The following PHC3 variants were observed in gnomAD, a reference collection of about 807,000 sequenced individuals.
PHC3 encodes polyhomeotic homolog 3.
A neutral mutation model predicts 107.4 loss-of-function variants in PHC3; 13 were observed. The observed-to-expected ratio is 0.12, with a 90% CI of 0.08 to 0.19. The LOEUF (loss-of-function observed/expected upper bound fraction) is 0.19, where lower values mean the gene tolerates loss of function less well. Ranked by LOEUF, PHC3 falls within the 10% of genes least tolerant of loss-of-function variation. The pLI is 1.00. For synonymous variants in PHC3, 456 were observed against 427.4 expected, an observed-to-expected ratio of 1.07 and a Z score of -0.83; for missense variants, 992 against 1,210.9, an observed-to-expected ratio of 0.82 and a Z score of 2.68.
intron 14 of PHC3, among the ~76,000 whole-genome samples, chr3:170,100,859 T>C (rs901224120): frequency 3.3e-5 from 5 of 152,136 alleles, no homozygotes; most frequent in South Asian, 2.1e-4. Context: ...TCTCAGGATA[T>C]AAACCAACTC....
At chr3:170,115,162 A>C (rs962612394) in intron 10 of PHC3, among the ~76,000 whole-genome samples, 1 of 152,148 alleles carries the variant, frequency 6.6e-6, no homozygotes, top group Non-Finnish European at 1.5e-5. Flanking sequence ...TATTCCTTTC[A>C]GAACTATTTG....
intron 9 of PHC3, among the ~76,000 whole-genome samples, chr3:170,122,138 T>C (rs1285167680): frequency 1.3e-5 from 2 of 152,136 alleles, no homozygotes; most frequent in Admixed American, 1.3e-4. Flanking sequence ...TAGACCCAGC[T>C]ATTTGGAAGC....
At position 170,181,394 on chromosome 3, in the gene PHC3, C is replaced by T. The variant is rs188534667; in HGVS notation, c.14+308G>A. On this transcript the variant is annotated intron_variant, in intron 1 of 14. Coordinates refer to ENST00000495893, the MANE Select transcript of PHC3 (RefSeq NM_024947.4). ...TGCAGGAATGACAGCGCCTGAGGAG[C>T]CCACCCGGGCTCGTTCCCCGGAAAA... 6.8e-4 allele frequency among the ~76,000 whole-genome samples: 104 copies of T among 152,258 alleles called. 1 individual carries two copies. The highest frequency in any genetic ancestry group is 2.4e-3 in the African/African-American group (99 of 41,570).
intron 4 of PHC3, among the ~76,000 whole-genome samples, chr3:170,167,795 C>T (rs144564665): frequency 0.021 from 3,212 of 151,176 alleles, 133 homozygotes; most frequent in Non-Finnish European, 0.021. Context: ...TTAAAAATTA[C>T]CAACTGAGAA....
intron 4 of PHC3, among the ~76,000 whole-genome samples, chr3:170,155,390 T>G (rs1726731899): frequency 6.6e-6 from 1 of 152,184 alleles, no homozygotes; most frequent in African/African-American, 2.4e-5. Flanking sequence ...CATACAAATG[T>G]CTGTGTGTGT....
At chr3:170,162,015 G>A (rs190112615) in intron 4 of PHC3, among the ~76,000 whole-genome samples, 46 of 152,268 alleles carry the variant, frequency 3.0e-4, no homozygotes, top group Non-Finnish European at 5.0e-4. Context: ...CAGATCCAAG[G>A]ATATCTGGAT....
intron 1 of PHC3, among the ~76,000 whole-genome samples, chr3:170,179,765 T>C (rs1194766364): frequency 1.3e-5 from 2 of 152,220 alleles, no homozygotes; most frequent in Non-Finnish European, 2.9e-5. Context: ...ATACAGAATC[T>C]GTATTTGAAT....
intron 4 of PHC3, among the ~76,000 whole-genome samples, chr3:170,167,416 T>G (rs1728902212): frequency 1.3e-5 from 2 of 152,224 alleles, no homozygotes; most frequent in South Asian, 4.1e-4. Flanking sequence ...ATGCCCAGCC[T>G]TTTACATACA....
Position 170,099,378 on chromosome 3 carries a change from T to TA in PHC3, c.2834-1995dup, listed in dbSNP as rs984994009. On this transcript the variant is annotated intron_variant, in intron 14 of 14. Transcript: ENST00000495893. ...GTATAGTTACATCAGTATAGAAATT[T>TA]AAAAAAAAGTGACTTAGAAAAATTG... Among the ~76,000 whole-genome samples, 26 of 152,052 alleles carry TA rather than the reference T, an allele frequency of 1.7e-4. No individual in the cohort carries two copies. In the South Asian group the frequency reaches 3.9e-3, roughly 23 times the overall value.
At chr3:170,117,516 G>T in intron 9 of PHC3, 40 bp from the exon 10 acceptor site, 1 of 1,570,274 alleles carries the variant, frequency 6.4e-7, no homozygotes, top group Non-Finnish European at 8.6e-7. Context: ...AATTTTTTTA[G>T]CATTTTGCCC....
At chr3:170,175,267 T>C (rs150588927) in intron 2 of PHC3, among the ~76,000 whole-genome samples, 3 of 152,312 alleles carry the variant, frequency 2.0e-5, no homozygotes, top group Admixed American at 6.5e-5. Flanking sequence ...TTATGAGATA[T>C]ATCTACATCT....
At chr3:170,127,138 GA>G (rs1250764946) in intron 8 of PHC3, among the ~76,000 whole-genome samples, 2 of 152,166 alleles carry the variant, frequency 1.3e-5, no homozygotes, top group East Asian at 3.9e-4. Context: ...TCTATTGAAA[GA>G]AAATATAGAC....
At chr3:170,152,661 TTTC>T (rs983395671) in intron 4 of PHC3, among the ~76,000 whole-genome samples, 3 of 151,044 alleles carry the variant, frequency 2.0e-5, no homozygotes, top group South Asian at 2.1e-4. Context: ...CTTTGACACT[TTTC>T]TTCTTTTTTT....
Position 170,089,369 on chromosome 3 carries a change from C to T in PHC3, c.*7861G>A, listed in dbSNP as rs1713835677. ...AATGATTCTCCCATTCAATGTTTAC[C>T]CCCTAGATACTTAACAATTCAAGCA... On this transcript the variant is annotated 3_prime_UTR_variant, in exon 15 of 15. Coordinates refer to ENST00000495893, the MANE Select transcript of PHC3 (RefSeq NM_024947.4). 2 of 151,982 alleles carry T rather than the reference C, an allele frequency of 1.3e-5. No homozygotes were observed. Among genetic ancestry groups the T allele is most frequent in the South Asian group, 4.2e-4 (2 of 4,804 alleles). 9.4% of individuals were successfully genotyped at this position (151,982 alleles called of 1,614,324 possible).
At chr3:170,156,385 T>C (rs942079252) in intron 4 of PHC3, among the ~76,000 whole-genome samples, 1 of 151,708 alleles carries the variant, frequency 6.6e-6, no homozygotes, top group South Asian at 2.1e-4. Context: ...GCCTCCTGAG[T>C]ATCTGCGACC....
chr3:170,129,150 G>A lies in PHC3; in HGVS notation c.1322C>T (p.Ala441Val), dbSNP rs763464875. The A allele has an allele frequency of 6.2e-7, 1 of 1,613,902 alleles. No individual in the cohort carries two copies. The highest frequency in any genetic ancestry group is 8.5e-7 in the Non-Finnish European group (1 of 1,179,838). ...LIQPHPLVSS[A>V]LQPGPNLQQS... ...CTGCAAATTTGGCCCTGGCTGGAGA[G>A]CTGATGACACAAGAGGGTGTGGCTG... is the stretch of plus-strand genomic sequence containing the variant. Residue 441 changes from alanine to valine, a missense_variant, in exon 8 of 15, where the codon GCT (alanine) becomes GTT (valine). By Grantham distance (64) the Ala-to-Val change is moderately conservative (BLOSUM62 0). Coordinates refer to ENST00000495893, the MANE Select transcript of PHC3 (RefSeq NM_024947.4).
intron 9 of PHC3, among the ~76,000 whole-genome samples, chr3:170,117,846 A>C (rs1315755197): frequency 6.9e-6 from 1 of 145,380 alleles, no homozygotes; most frequent in African/African-American, 2.7e-5. Context: ...AAAAAAACCA[A>C]AAAAAAAAAA....
intron 14 of PHC3, among the ~76,000 whole-genome samples, chr3:170,100,496 T>C (rs1412299678): frequency 2.6e-5 from 4 of 152,160 alleles, no homozygotes; most frequent in South Asian, 2.1e-4. Context: ...AACACTCCCA[T>C]TTCATAAGTA....
intron 9 of PHC3, among the ~76,000 whole-genome samples, chr3:170,121,062 A>G (rs780302803): frequency 9.2e-5 from 14 of 152,214 alleles, no homozygotes; most frequent in Admixed American, 2.6e-4. Context: ...GTTTCACAGA[A>G]CTTTATTTAT....
Sources: gnomAD v4.1 joint callset for allele counts (sites outside exome capture counted in the v4.1 genomes callset) on GRCh38, gnomAD v4.1.1 for gene constraint, MANE v1.5 for transcripts, NCBI Gene and HGNC (gene_info 2026-07-23, HGNC 2026-07-21) for gene names.